Variants in MAF observed in about 807,000 individuals in gnomAD.
MAF encodes the protein transcription factor Maf.
In MAF, 10 loss-of-function variants were observed where a neutral mutation model predicts 22.0. The ratio of observed to expected loss-of-function variants is 0.45; its 90% CI spans 0.28 to 0.77. The LOEUF (loss-of-function observed/expected upper bound fraction) is 0.77, where lower values mean the gene tolerates loss of function less well. Among genes scored for constraint, MAF ranks in the 30% least tolerant of loss-of-function variants. MAF has a pLI of 0.12. For synonymous variants in MAF, 337 were observed against 255.8 expected, an observed-to-expected ratio of 1.32 and a Z score of -3.03; for missense variants, 544 against 548.4, an observed-to-expected ratio of 0.99 and a Z score of 0.08.
chr16:79,576,854 A>C, the MAF span, among the ~76,000 whole-genome samples: 1 of 152,200 alleles, frequency 6.6e-6, no homozygotes, highest in Non-Finnish European at 1.5e-5. Flanking sequence ...TTGAGGGGCT[A>C]TTCCTATCTT....
the MAF span, among the ~76,000 whole-genome samples, chr16:79,492,681 C>T: frequency 6.6e-6 from 1 of 151,806 alleles, no homozygotes; most frequent in African/African-American, 2.4e-5. Flanking sequence ...ACACAACTGC[C>T]GTTCAGCAAG....
At chr16:79,471,724 G>C in the MAF span, among the ~76,000 whole-genome samples, 1 of 152,140 alleles carries the variant, frequency 6.6e-6, no homozygotes, top group Non-Finnish European at 1.5e-5. Flanking sequence ...AAAGCCCTGA[G>C]GTTTGCTGAT....
the MAF span, among the ~76,000 whole-genome samples, chr16:79,372,114 G>C: frequency 2.7e-5 from 4 of 147,968 alleles, no homozygotes; most frequent in Admixed American, 2.7e-4. Flanking sequence ...CCAGTTTCAG[G>C]CTATAATTTC....
chr16:79,337,705 C>A, the MAF span, among the ~76,000 whole-genome samples: 1 of 152,178 alleles, frequency 6.6e-6, no homozygotes, highest in South Asian at 2.1e-4. Context: ...CACACAAACA[C>A]AATACATATA....
the MAF span, among the ~76,000 whole-genome samples, chr16:79,306,407 G>C: frequency 6.6e-6 from 1 of 152,208 alleles, no homozygotes; most frequent in South Asian, 2.1e-4. Flanking sequence ...CCTACAATAT[G>C]TAAGGTTTAG....
At chr16:79,278,078 C>A in the MAF span, among the ~76,000 whole-genome samples, 1 of 152,210 alleles carries the variant, frequency 6.6e-6, no homozygotes, top group African/African-American at 2.4e-5. Flanking sequence ...TAAAACTGTA[C>A]TAAGTGAATA....
At chr16:79,254,998 C>G in the MAF span, among the ~76,000 whole-genome samples, 1 of 152,182 alleles carries the variant, frequency 6.6e-6, no homozygotes, top group African/African-American at 2.4e-5. Flanking sequence ...TAATATTTCA[C>G]TGCTAAAGCC....
At chr16:79,364,097 G>T in the MAF span, among the ~76,000 whole-genome samples, 1 of 152,172 alleles carries the variant, frequency 6.6e-6, no homozygotes, top group Non-Finnish European at 1.5e-5. Flanking sequence ...GACAGATAAG[G>T]ATAGGAAATT....
chr16:79,223,880 C>A, the MAF span, among the ~76,000 whole-genome samples: 3 of 152,184 alleles, frequency 2.0e-5, no homozygotes, highest in East Asian at 3.9e-4. Context: ...AGCCTACCAC[C>A]CAAAATAAGT....
chr16:79,350,137 C>T, the MAF span, among the ~76,000 whole-genome samples: 1 of 152,192 alleles, frequency 6.6e-6, no homozygotes, highest in Non-Finnish European at 1.5e-5. Context: ...AACCTGTGTA[C>T]AGATGATTTT....
the MAF span, among the ~76,000 whole-genome samples, chr16:79,501,655 A>T: frequency 6.6e-6 from 1 of 152,318 alleles, no homozygotes; most frequent in Middle Eastern, 3.4e-3. Flanking sequence ...GACTGTCAAA[A>T]TTACATCAAA....
the MAF span, among the ~76,000 whole-genome samples, chr16:79,354,192 C>T: frequency 6.6e-6 from 1 of 151,788 alleles, no homozygotes; most frequent in East Asian, 1.9e-4. Flanking sequence ...AGAGTTTTGC[C>T]ATGTTGCCCA....
chr16:79,562,369 A>G, the MAF span, among the ~76,000 whole-genome samples: 1 of 152,222 alleles, frequency 6.6e-6, no homozygotes, highest in Non-Finnish European at 1.5e-5. Context: ...TTCATAGATG[A>G]TGTGACCCGT....
At chr16:79,510,083 G>C in the MAF span, among the ~76,000 whole-genome samples, 2 of 152,160 alleles carry the variant, frequency 1.3e-5, no homozygotes, top group African/African-American at 4.8e-5. Flanking sequence ...TTACTAGCTC[G>C]GCGATTGCAG....
At chr16:79,383,773 T>G in the MAF span, among the ~76,000 whole-genome samples, 1 of 152,178 alleles carries the variant, frequency 6.6e-6, no homozygotes, top group Non-Finnish European at 1.5e-5. Context: ...GATGTGCTCA[T>G]TAAACCTGCA....
the MAF span, among the ~76,000 whole-genome samples, chr16:79,476,558 G>A: frequency 2.6e-5 from 4 of 152,154 alleles, no homozygotes; most frequent in Admixed American, 1.3e-4. Flanking sequence ...CTTGCATTGT[G>A]GTCTTGGCAA....
the MAF span, among the ~76,000 whole-genome samples, chr16:79,292,339 T>G: frequency 7.9e-5 from 12 of 152,306 alleles, no homozygotes; most frequent in African/African-American, 2.6e-4. Context: ...GTGATGTAGC[T>G]GCAAGCCAAG....
the MAF span, among the ~76,000 whole-genome samples, chr16:79,346,690 C>T: frequency 2.0e-5 from 3 of 152,254 alleles, no homozygotes; most frequent in Non-Finnish European, 2.9e-5. Context: ...GTCTTCTACA[C>T]GGGGTGTGAG....
the MAF span, among the ~76,000 whole-genome samples, chr16:79,366,385 G>T: frequency 6.6e-6 from 1 of 152,158 alleles, no homozygotes; most frequent in African/African-American, 2.4e-5. Context: ...CAAATTCCAA[G>T]TTGTCTTCTT....
Sources: gnomAD v4.1 joint callset for allele counts (sites outside exome capture counted in the v4.1 genomes callset) on GRCh38, gnomAD v4.1.1 for gene constraint, MANE v1.5 for transcripts, NCBI Gene and HGNC (gene_info 2026-07-23, HGNC 2026-07-21) for gene names.